Variants in PTN observed in about 807,000 individuals in gnomAD.
PTN encodes the protein pleiotrophin.
A neutral mutation model predicts 24.1 loss-of-function variants in PTN; 18 were observed. The observed-to-expected ratio is 0.75, with a 90% CI of 0.52 to 1.11. The LOEUF is 1.11. PTN is among the 50% of genes least tolerant of loss of function. The pLI is 0.00. For missense variants in PTN, 163 were observed against 198.8 expected, an observed-to-expected ratio of 0.82 and a Z score of 1.08; for synonymous variants, 78 against 68.6, an observed-to-expected ratio of 1.14 and a Z score of -0.67.
At chr7:137,256,176 GTTT>G (rs1260247918) in intron 1 of PTN, among the ~76,000 whole-genome samples, 1 of 151,878 alleles carries the variant, frequency 6.6e-6, no homozygotes, top group Admixed American at 6.6e-5. Flanking sequence ...TCTTATTAGT[GTTT>G]TTTTAAATTT....
intron 1 of PTN, among the ~76,000 whole-genome samples, chr7:137,296,472 T>C (rs1341816612): frequency 1.3e-5 from 2 of 151,986 alleles, no homozygotes; most frequent in Non-Finnish European, 1.5e-5. Flanking sequence ...GTAGAGACAA[T>C]TTGGTTTTGG....
At chr7:137,253,110 T>C (rs1808856756) in intron 3 of PTN, among the ~76,000 whole-genome samples, 1 of 152,176 alleles carries the variant, frequency 6.6e-6, no homozygotes, top group Non-Finnish European at 1.5e-5. Flanking sequence ...AAGGATATAT[T>C]TTATGTCCCT....
chr7:137,260,077 T>C (rs1809007055), intron 1 of PTN, among the ~76,000 whole-genome samples: 1 of 152,088 alleles, frequency 6.6e-6, no homozygotes, highest in South Asian at 2.1e-4. Flanking sequence ...GAGGAATGAA[T>C]AGTCATAATA....
intron 4 of PTN, among the ~76,000 whole-genome samples, chr7:137,228,325 T>C (rs1808369728): frequency 6.6e-6 from 1 of 151,764 alleles, no homozygotes; most frequent in Admixed American, 6.6e-5. Flanking sequence ...GAACATAGCC[T>C]GCTTCTGTGT....
At chr7:137,312,294 G>A (rs944457806) in intron 1 of PTN, among the ~76,000 whole-genome samples, 4 of 152,156 alleles carry the variant, frequency 2.6e-5, no homozygotes, top group African/African-American at 4.8e-5. Flanking sequence ...ATCCATCCGC[G>A]ATGCACATTT....
intron 1 of PTN, among the ~76,000 whole-genome samples, chr7:137,303,825 C>T (rs1473355): frequency 0.48 from 72,990 of 151,820 alleles, 18,814 homozygotes; most frequent in Non-Finnish European, 0.59. Flanking sequence ...AGCTTAAGTT[C>T]ATATATAATG....
chr7:137,274,373 T>A (rs72611539), intron 1 of PTN, among the ~76,000 whole-genome samples: 15,113 of 152,152 alleles, frequency 0.099, 965 homozygotes, highest in South Asian at 0.29. Flanking sequence ...GTATTTTTTT[T>A]TATATATACT....
intron 1 of PTN, among the ~76,000 whole-genome samples, chr7:137,268,365 G>C (rs2128873987): frequency 6.6e-6 from 1 of 152,046 alleles, no homozygotes; most frequent in East Asian, 1.9e-4. Flanking sequence ...AGCAGGACGA[G>C]CCGCGGACAG....
At chr7:137,304,396 A>G (rs1563218290) in intron 1 of PTN, among the ~76,000 whole-genome samples, 1 of 151,944 alleles carries the variant, frequency 6.6e-6, no homozygotes, top group Non-Finnish European at 1.5e-5. Flanking sequence ...CTAAGTGGAA[A>G]AATGGGAGCA....
intron 1 of PTN, among the ~76,000 whole-genome samples, chr7:137,274,900 A>AT (rs948027062): frequency 6.6e-6 from 1 of 152,148 alleles, no homozygotes; most frequent in African/African-American, 2.4e-5. Flanking sequence ...TTGAAGTCAG[A>AT]TTTTTTCACA....
chr7:137,233,046 A>G (rs1213986072), intron 4 of PTN, among the ~76,000 whole-genome samples: 2 of 151,984 alleles, frequency 1.3e-5, no homozygotes, highest in East Asian at 1.9e-4. Flanking sequence ...ATGGGCTAAT[A>G]CAGTAAATGC....
chr7:137,243,680 T>C (rs1348567341), intron 4 of PTN, among the ~76,000 whole-genome samples: 1 of 152,136 alleles, frequency 6.6e-6, no homozygotes, highest in Non-Finnish European at 1.5e-5. Flanking sequence ...TTAAATGAGA[T>C]GTGGAGGTAG....
chr7:137,335,153 C>T (rs1810425709), intron 1 of PTN, among the ~76,000 whole-genome samples: 1 of 151,574 alleles, frequency 6.6e-6, no homozygotes. Context: ...TGCAACTAAC[C>T]TGCACATTGT....
chr7:137,305,435 C>G (rs1392714413), intron 1 of PTN, among the ~76,000 whole-genome samples: 1 of 151,628 alleles, frequency 6.6e-6, no homozygotes, highest in Non-Finnish European at 1.5e-5. Context: ...GACTATTATC[C>G]TTTTACCAAA....
intron 1 of PTN, among the ~76,000 whole-genome samples, chr7:137,333,444 T>G (rs1350864266): frequency 6.6e-6 from 1 of 152,186 alleles, no homozygotes; most frequent in Non-Finnish European, 1.5e-5. Context: ...ATGTTCCTTA[T>G]TAATTAAATC....
chr7:137,315,046 G>T (rs975108934), intron 1 of PTN, among the ~76,000 whole-genome samples: 3 of 152,176 alleles, frequency 2.0e-5, no homozygotes, highest in African/African-American at 7.2e-5. Context: ...ACAGAAATTG[G>T]TAGCCAGCAC....
At chr7:137,287,439 A>G (rs368917676) in intron 1 of PTN, among the ~76,000 whole-genome samples, 32 of 151,240 alleles carry the variant, frequency 2.1e-4, no homozygotes, top group African/African-American at 6.8e-4. Context: ...GAAATAAGTA[A>G]GACAAAATAT....
chr7:137,228,689 C>T (rs572299559), intron 4 of PTN, among the ~76,000 whole-genome samples: 1 of 151,886 alleles, frequency 6.6e-6, no homozygotes, highest in African/African-American at 2.4e-5. Flanking sequence ...TGGGGTAAAA[C>T]AAATGGAATG....
intron 1 of PTN, among the ~76,000 whole-genome samples, chr7:137,268,739 G>C (rs962965464): frequency 1.3e-5 from 2 of 152,152 alleles, no homozygotes; most frequent in Non-Finnish European, 1.5e-5. Flanking sequence ...CCTTGGTTTC[G>C]GGTCTGGTTC....
Sources: gnomAD v4.1 joint callset for allele counts (sites outside exome capture counted in the v4.1 genomes callset) on GRCh38, gnomAD v4.1.1 for gene constraint, MANE v1.5 for transcripts, NCBI Gene and HGNC (gene_info 2026-07-23, HGNC 2026-07-21) for gene names.